The following DIAPH3 variants were observed in gnomAD, a reference collection of about 807,000 sequenced individuals.
DIAPH3 encodes the protein diaphanous related formin 3.
In DIAPH3, 117 loss-of-function variants were observed where a neutral mutation model predicts 144.3. That is an observed-to-expected ratio of 0.81 (90% confidence interval 0.70 to 0.95). The LOEUF is 0.95. DIAPH3 is among the 40% of genes least tolerant of loss of function. DIAPH3 has a pLI of 0.00. For missense variants in DIAPH3, 1,421 were observed against 1,412.7 expected (o/e 1.01, Z -0.09); for synonymous variants, 519 against 488.9 (o/e 1.06, Z -0.81).
At chr13:59,675,631 G>A (rs929415701) in intron 27 of DIAPH3, among the ~76,000 whole-genome samples, 14 of 152,196 alleles carry the variant, frequency 9.2e-5, no homozygotes, top group African/African-American at 3.1e-4. Context: ...TGATCCACCC[G>A]CCTTGGTCTA....
intron 27 of DIAPH3, among the ~76,000 whole-genome samples, chr13:59,766,352 T>C (rs751221787): frequency 6.6e-6 from 1 of 152,162 alleles, no homozygotes; most frequent in Non-Finnish European, 1.5e-5. Context: ...GTCTCCCTGA[T>C]CACTTTCTTC....
At chr13:59,984,010 T>A (rs906496161) in intron 12 of DIAPH3, 123 bp from the exon 13 acceptor site, 5 of 683,014 alleles carry the variant, frequency 7.3e-6, no homozygotes, top group Non-Finnish European at 1.3e-5. Context: ...ATTTCAATAG[T>A]TGACACAACA....
intron 24 of DIAPH3, among the ~76,000 whole-genome samples, chr13:59,829,769 G>A (rs1176840167): frequency 6.6e-6 from 1 of 151,894 alleles, no homozygotes; most frequent in Non-Finnish European, 1.5e-5. Flanking sequence ...GCCAGGCAGA[G>A]TATGGAGAAA....
In DIAPH3 at chr13:59,698,257, AAAT is replaced by A. The variant is rs532493203; in HGVS notation, c.3320-31414_3320-31412del. ...TATGAAGTACACCATGAAGAAAATT[AAAT>A]AATTGCTTGCCTGATTACAATTTCA... is the stretch of plus-strand genomic sequence containing the variant. On this transcript the variant is annotated intron_variant, in intron 27 of 27. Transcript: ENST00000400324. Among the ~76,000 whole-genome samples, 465 of 152,314 alleles carry A rather than the reference AAAT, an allele frequency of 3.1e-3. 1 individual carries two copies. Among genetic ancestry groups the A allele is most frequent in the African/African-American group, 9.8e-3 (409 of 41,570 alleles).
At position 59,702,848 on chromosome 13, in the gene DIAPH3, G is replaced by A. The variant is rs553367762; in HGVS notation, c.3320-36002C>T. On this transcript the variant is annotated intron_variant, in intron 27 of 27. Transcript: ENST00000400324. ...TCTTGCTGCATACAAGCACACTTCTGCATTGAGTCCCTATCCTTAAACTCC... is the reference window on the plus strand; with the variant it reads ...TCTTGCTGCATACAAGCACACTTCTACATTGAGTCCCTATCCTTAAACTCC... 7.9e-4 allele frequency among the ~76,000 whole-genome samples: 120 copies of A among 152,092 alleles called. 1 individual carries two copies. Among genetic ancestry groups the A allele is most frequent in the Admixed American group, 6.2e-3 (94 of 15,274 alleles).
At chr13:59,859,883 A>G (rs2043479688) in intron 22 of DIAPH3, among the ~76,000 whole-genome samples, 1 of 152,204 alleles carries the variant, frequency 6.6e-6, no homozygotes, top group Non-Finnish European at 1.5e-5. Flanking sequence ...ATCCTATTAA[A>G]ACATCTATAA....
At chr13:59,679,202 T>G (rs990760363) in intron 27 of DIAPH3, among the ~76,000 whole-genome samples, 3 of 152,216 alleles carry the variant, frequency 2.0e-5, no homozygotes, top group African/African-American at 7.2e-5. Context: ...ACTTCAGTTA[T>G]TTTTTTGCAA....
intron 24 of DIAPH3, among the ~76,000 whole-genome samples, chr13:59,822,303 A>G (rs2041114139): frequency 6.6e-6 from 1 of 152,184 alleles, no homozygotes; most frequent in African/African-American, 2.4e-5. Context: ...CGCTATGCAC[A>G]AGATGGCAGC....
Position 60,071,362 on chromosome 13 carries a change from C to T in DIAPH3, c.495+22266G>A, listed in dbSNP as rs1025949749. Among the ~76,000 whole-genome samples the T allele has an allele frequency of 4.6e-5, 7 of 152,106 alleles. No homozygotes were observed. In the East Asian group the frequency reaches 1.2e-3, roughly 25 times the overall value. On this transcript the variant is annotated intron_variant, in intron 4 of 27. Transcript: ENST00000400324. ...CAGAACTGACTGTAAGAGAGTTGAC[C>T]GTGGCTTCTAAGTCCCACTATCCTT...
At chr13:59,761,071 A>T (rs143708140) in intron 27 of DIAPH3, among the ~76,000 whole-genome samples, 1 of 152,206 alleles carries the variant, frequency 6.6e-6, no homozygotes, top group African/African-American at 2.4e-5. Context: ...TTGGGAATCA[A>T]TGAGACATTA....
At chr13:59,701,407 C>G (rs900847418) in intron 27 of DIAPH3, among the ~76,000 whole-genome samples, 5 of 152,310 alleles carry the variant, frequency 3.3e-5, no homozygotes, top group African/African-American at 1.2e-4. Context: ...GAGGTGGGAA[C>G]AGTGATCACA....
At chr13:60,108,964 A>T (rs1318229684) in intron 3 of DIAPH3, among the ~76,000 whole-genome samples, 1 of 152,134 alleles carries the variant, frequency 6.6e-6, no homozygotes, top group East Asian at 1.9e-4. Context: ...AGCATCTTTT[A>T]GAGAGCTGGA....
intron 15 of DIAPH3, among the ~76,000 whole-genome samples, 153 bp from the exon 16 acceptor site, chr13:59,971,313 A>G (rs528984633): frequency 2.6e-4 from 40 of 152,234 alleles, no homozygotes; most frequent in African/African-American, 8.7e-4. Context: ...AATTCCAACA[A>G]TTTTTCTTCT....
At chr13:60,085,321 A>T (rs564244057) in intron 4 of DIAPH3, among the ~76,000 whole-genome samples, 1 of 152,222 alleles carries the variant, frequency 6.6e-6, no homozygotes, top group South Asian at 2.1e-4. Context: ...CCATGACTAG[A>T]TAATAGTTTT....
intron 25 of DIAPH3, among the ~76,000 whole-genome samples, chr13:59,777,331 A>C (rs2038471670): frequency 6.6e-6 from 1 of 152,220 alleles, no homozygotes; most frequent in Non-Finnish European, 1.5e-5. Flanking sequence ...AGGAAAAAAG[A>C]ATCATGCATC....
intron 4 of DIAPH3, among the ~76,000 whole-genome samples, chr13:60,069,102 C>G (rs1021801640): frequency 6.6e-6 from 1 of 152,146 alleles, no homozygotes; most frequent in Non-Finnish European, 1.5e-5. Flanking sequence ...CTCTAACCAA[C>G]AGTGTATAAG....
intron 24 of DIAPH3, among the ~76,000 whole-genome samples, chr13:59,831,458 A>C (rs1357543405): frequency 6.6e-6 from 1 of 151,888 alleles, no homozygotes; most frequent in Non-Finnish European, 1.5e-5. Context: ...TCCCCAAAAC[A>C]ATATGTGACA....
intron 27 of DIAPH3, among the ~76,000 whole-genome samples, chr13:59,756,448 G>GGAAA (rs1555289849): frequency 0.028 from 3,492 of 126,054 alleles, 58 homozygotes; most frequent in South Asian, 0.063. Context: ...AAGGAAAGAA[G>GGAAA]GAAGGAAGGA....
intron 23 of DIAPH3, among the ~76,000 whole-genome samples, chr13:59,833,647 GCATTAAACACAACAGTTAAATTGGA>G (rs1410326253): frequency 6.6e-6 from 1 of 151,704 alleles, no homozygotes; most frequent in Admixed American, 6.6e-5. Flanking sequence ...AACAGTACAA[GCATTAAACACAACAGTTAAATTGGA>G]CATCTTGGGA....
Sources: allele counts gnomAD v4.1 joint callset (sites outside exome capture counted in the v4.1 genomes callset), GRCh38; gene constraint gnomAD v4.1.1; transcripts MANE v1.5; gene names NCBI Gene and HGNC (gene_info 2026-07-23, HGNC 2026-07-21).